The following PKIB variants were observed in gnomAD, a reference collection of about 807,000 sequenced individuals.
PKIB encodes PKI-beta.
Under a neutral mutation model 4.5 loss-of-function variants are expected in PKIB, and 2 were observed. The ratio of observed to expected loss-of-function variants is 0.44; its 90% CI spans 0.18 to 1.39. The LOEUF (loss-of-function observed/expected upper bound fraction) is 1.39, where lower values mean the gene tolerates loss of function less well. Among genes scored for constraint, PKIB ranks in the 40% most tolerant of loss-of-function variants. The pLI, the probability that PKIB is intolerant of heterozygous loss-of-function variation, is 0.27. For synonymous variants in PKIB, 38 were observed against 36.0 expected, an observed-to-expected ratio of 1.06 and a Z score of -0.20; for missense variants, 94 against 92.6, an observed-to-expected ratio of 1.02 and a Z score of -0.06.
At chr6:122,510,649 A>G (rs542571776) in intron 2 of PKIB, among the ~76,000 whole-genome samples, 6 of 152,310 alleles carry the variant, frequency 3.9e-5, no homozygotes, top group Non-Finnish European at 8.8e-5. Context: ...CAAACTTTTT[A>G]AATTACAAAT....
At chr6:122,629,510 A>G (rs933131868) in intron 1 of PKIB, among the ~76,000 whole-genome samples, 1 of 152,230 alleles carries the variant, frequency 6.6e-6, no homozygotes, top group African/African-American at 2.4e-5. Context: ...ATCCTCAAAG[A>G]GGTAGAAAAT....
intron 3 of PKIB, among the ~76,000 whole-genome samples, chr6:122,687,608 A>C (rs1778144555): frequency 6.6e-6 from 1 of 152,180 alleles, no homozygotes; most frequent in Non-Finnish European, 1.5e-5. Context: ...CGAACATGGA[A>C]TATCTTATCA....
At chr6:122,560,059 C>G (rs562896978) in intron 2 of PKIB, among the ~76,000 whole-genome samples, 1 of 152,110 alleles carries the variant, frequency 6.6e-6, no homozygotes, top group African/African-American at 2.4e-5. Context: ...ATTGCTCTGG[C>G]TAGGACTTCC....
chr6:122,628,479 G>A (rs1288957720), intron 1 of PKIB, among the ~76,000 whole-genome samples: 5 of 152,324 alleles, frequency 3.3e-5, no homozygotes, highest in South Asian at 2.1e-4. Context: ...TCTTAGCTAT[G>A]TGATCTTGGG....
chr6:122,504,659 T>C (rs921842991), intron 2 of PKIB, among the ~76,000 whole-genome samples: 5 of 152,360 alleles, frequency 3.3e-5, no homozygotes, highest in Non-Finnish European at 7.3e-5. Flanking sequence ...TTTAAACAGT[T>C]ATTTTAAAAA....
At chr6:122,647,379 T>C (rs1189671627) in intron 2 of PKIB, among the ~76,000 whole-genome samples, 2 of 152,226 alleles carry the variant, frequency 1.3e-5, no homozygotes, top group East Asian at 3.9e-4. Context: ...CTGGGGACTA[T>C]AGACTAGTCA....
intron 3 of PKIB, among the ~76,000 whole-genome samples, chr6:122,681,647 A>G (rs567725943): frequency 4.6e-4 from 70 of 152,238 alleles, no homozygotes; most frequent in African/African-American, 1.5e-3. Flanking sequence ...AATGGCAACT[A>G]TAAAGATCAA....
chr6:122,682,614 G>T (rs1384376356), intron 3 of PKIB, among the ~76,000 whole-genome samples: 2 of 151,888 alleles, frequency 1.3e-5, no homozygotes, highest in Admixed American at 6.6e-5. Flanking sequence ...ATATTTTTTA[G>T]TATTACCCAT....
intron 2 of PKIB, among the ~76,000 whole-genome samples, chr6:122,519,688 C>G (rs1289316329): frequency 6.6e-6 from 1 of 152,184 alleles, no homozygotes; most frequent in African/African-American, 2.4e-5. Context: ...TTTCCTTACT[C>G]TGTAAGTTAA....
At chr6:122,496,292 T>G (rs1055731835) in intron 2 of PKIB, among the ~76,000 whole-genome samples, 1 of 152,190 alleles carries the variant, frequency 6.6e-6, no homozygotes, top group Non-Finnish European at 1.5e-5. Context: ...TCTCCAGATT[T>G]GAAAGAACTA....
intron 1 of PKIB, among the ~76,000 whole-genome samples, chr6:122,623,170 T>C (rs1021927166): frequency 3.9e-5 from 6 of 152,210 alleles, no homozygotes; most frequent in Non-Finnish European, 8.8e-5. Context: ...ATTTGAGATA[T>C]TCTTTGAATT....
chr6:122,622,826 C>T (rs987645855), intron 1 of PKIB, among the ~76,000 whole-genome samples: 7 of 149,326 alleles, frequency 4.7e-5, no homozygotes, highest in African/African-American at 1.2e-4. Flanking sequence ...CTTATGTTCT[C>T]TGAACGTGCA....
intron 2 of PKIB, among the ~76,000 whole-genome samples, chr6:122,574,779 C>A (rs1773478369): frequency 6.6e-6 from 1 of 152,136 alleles, no homozygotes; most frequent in South Asian, 2.1e-4. Flanking sequence ...AATCTAAGAC[C>A]TAAAATCATA....
chr6:122,514,910 T>C (rs2114588032), intron 2 of PKIB, among the ~76,000 whole-genome samples: 1 of 152,314 alleles, frequency 6.6e-6, no homozygotes, highest in Middle Eastern at 3.4e-3. Flanking sequence ...AGAGTGAAGT[T>C]ATATTTAGGC....
intron 3 of PKIB, among the ~76,000 whole-genome samples, chr6:122,706,355 C>T (rs1387907984): frequency 1.3e-5 from 2 of 152,146 alleles, no homozygotes; most frequent in African/African-American, 4.8e-5. Flanking sequence ...GAGTTCACAA[C>T]TCTTTCAGGG....
chr6:122,683,109 A>T (rs1184625265), intron 3 of PKIB, among the ~76,000 whole-genome samples: 1 of 152,226 alleles, frequency 6.6e-6, no homozygotes, highest in African/African-American at 2.4e-5. Flanking sequence ...CACATAAATC[A>T]GTACACATTA....
intron 2 of PKIB, among the ~76,000 whole-genome samples, chr6:122,543,489 C>T (rs1419265018): frequency 6.6e-6 from 1 of 151,676 alleles, no homozygotes; most frequent in East Asian, 1.9e-4. Context: ...AAGTGATTCT[C>T]CTGCTTCAGC....
intron 2 of PKIB, among the ~76,000 whole-genome samples, chr6:122,544,113 G>T (rs571954159): frequency 6.6e-6 from 1 of 151,624 alleles, no homozygotes; most frequent in Non-Finnish European, 1.5e-5. Flanking sequence ...ATAATACACT[G>T]ATACCTATTA....
chr6:122,716,719 C>G (rs888837679), intron 3 of PKIB, among the ~76,000 whole-genome samples: 3 of 152,188 alleles, frequency 2.0e-5, no homozygotes, highest in African/African-American at 7.2e-5. Context: ...CTCCCTCCAA[C>G]TACCATGAAA....
Sources: allele counts gnomAD v4.1 joint callset (sites outside exome capture counted in the v4.1 genomes callset), GRCh38; gene constraint gnomAD v4.1.1; transcripts MANE v1.5; gene names NCBI Gene and HGNC (gene_info 2026-07-23, HGNC 2026-07-21).